The following CDH11 variants were observed in gnomAD, a reference collection of about 807,000 sequenced individuals.
CDH11 encodes cadherin 11, also known as cadherin-11.
CDH11 carries 11 observed loss-of-function variants against 67.8 expected under a neutral mutation model. That is an observed-to-expected ratio of 0.16 (90% CI 0.10 to 0.27). The LOEUF is 0.27. Among genes scored for constraint, CDH11 ranks in the 10% least tolerant of loss-of-function variants. CDH11 has a pLI of 1.00. For missense variants in CDH11, 847 were observed against 1,031.2 expected (o/e 0.82, Z 2.45); for synonymous variants, 419 against 400.0 (o/e 1.05, Z -0.57).
intron 11 of CDH11, among the ~76,000 whole-genome samples, chr16:64,952,162 T>C (rs898068129): frequency 3.3e-5 from 5 of 152,220 alleles, no homozygotes; most frequent in African/African-American, 1.2e-4. Flanking sequence ...TCATAACAGT[T>C]GTACTTCTCA....
At chr16:64,968,611 T>C (rs996051208) in intron 11 of CDH11, 2 of 961,356 alleles carry the variant, frequency 2.1e-6, no homozygotes, top group Admixed American at 6.2e-5. Flanking sequence ...AAAAAGCTTG[T>C]GTGTATTAAG....
intron 11 of CDH11, among the ~76,000 whole-genome samples, chr16:64,969,693 T>C (rs182803380): frequency 1.3e-5 from 2 of 152,184 alleles, no homozygotes; most frequent in African/African-American, 2.4e-5. Context: ...AACACAGGGC[T>C]TTTCATAAAT....
At chr16:65,054,256 G>A (rs2074107518) in intron 1 of CDH11, among the ~76,000 whole-genome samples, 1 of 152,128 alleles carries the variant, frequency 6.6e-6, no homozygotes, top group African/African-American at 2.4e-5. Context: ...AAGCTATTGG[G>A]GGAAGGTATG....
intron 2 of CDH11, among the ~76,000 whole-genome samples, chr16:65,034,618 A>T (rs2073715309): frequency 6.6e-6 from 1 of 152,188 alleles, no homozygotes; most frequent in South Asian, 2.1e-4. Context: ...ATTAAATCAG[A>T]TAATTCTTGT....
At chr16:65,091,929 A>G (rs2074799388) in intron 1 of CDH11, among the ~76,000 whole-genome samples, 1 of 152,138 alleles carries the variant, frequency 6.6e-6, no homozygotes, top group Non-Finnish European at 1.5e-5. Context: ...TTATTTATCA[A>G]GCTCCCTCCT....
intron 1 of CDH11, among the ~76,000 whole-genome samples, chr16:65,072,709 T>C (rs1041169736): frequency 2.6e-5 from 4 of 152,230 alleles, no homozygotes; most frequent in Non-Finnish European, 5.9e-5. Context: ...GCTTTAGAAC[T>C]TTAAAAACAA....
chr16:65,093,187 C>T (rs2074823484), intron 1 of CDH11, among the ~76,000 whole-genome samples: 1 of 149,224 alleles, frequency 6.7e-6, no homozygotes, highest in Admixed American at 6.7e-5. Flanking sequence ...ACCTGCCTGC[C>T]TTGGCCTCCC....
Position 64,945,521 on chromosome 16 carries a change from A to G in CDH11, c.*2082T>C. 6 of 1,032,974 alleles carry G rather than the reference A, an allele frequency of 5.8e-6. No individual in the cohort carries two copies. Among genetic ancestry groups the G allele is most frequent in the Non-Finnish European group, 7.0e-6 (6 of 858,454 alleles). The allele number at this position is 1,032,974 out of a possible 1,614,324, so 64.0% of individuals were successfully genotyped here. The stretch of plus-strand genomic sequence containing the variant: ...CATATTCCTTTTGAGTTATTTCTTC[A>G]TTGCAAATTCAATTGGAGATCTGTG... On this transcript the variant is annotated 3_prime_UTR_variant, in exon 13 of 13. Coordinates refer to ENST00000268603, the MANE Select transcript of CDH11 (RefSeq NM_001797.4).
chr16:65,114,411 G>A (rs1054244840), intron 1 of CDH11, among the ~76,000 whole-genome samples: 1 of 152,028 alleles, frequency 6.6e-6, no homozygotes, highest in Non-Finnish European at 1.5e-5. Context: ...AGCAGGTTTG[G>A]GAAGCCAGCT....
chr16:65,095,913 T>G (rs10852420), intron 1 of CDH11, among the ~76,000 whole-genome samples: 138,496 of 152,242 alleles, frequency 0.91, 63,071 homozygotes, highest in East Asian at 1. Flanking sequence ...CTTCCACTAT[T>G]TGAGAAGGCC....
intron 2 of CDH11, among the ~76,000 whole-genome samples, chr16:65,020,828 T>A (rs1417533093): frequency 1.3e-5 from 2 of 152,138 alleles, no homozygotes; most frequent in Admixed American, 6.5e-5. Context: ...AGCTGTAAAA[T>A]TTTTCATTTG....
Position 64,943,931 on chromosome 16 carries a change from A to T in CDH11, c.*3672T>A. ...CATACATAAAGCCAAAAAGCAAAATAAGTTTAAAGAGTTGTCATCGATACA... is the reference window on the plus strand; with the variant it reads ...CATACATAAAGCCAAAAAGCAAAATTAGTTTAAAGAGTTGTCATCGATACA... On this transcript the variant is annotated 3_prime_UTR_variant, in exon 13 of 13. Coordinates refer to ENST00000268603, the MANE Select transcript of CDH11 (RefSeq NM_001797.4). 2 of 230,510 alleles carry T rather than the reference A, an allele frequency of 8.7e-6. No homozygotes were observed. The highest frequency in any genetic ancestry group is 1.7e-5 in the Non-Finnish European group (2 of 116,316). The allele number at this position is 230,510 out of a possible 1,614,324, so 14.3% of individuals were successfully genotyped here.
At chr16:65,004,508 G>T in intron 3 of CDH11, 134 bp downstream of exon 3, 1 of 737,648 alleles carries the variant, frequency 1.4e-6, no homozygotes, top group Non-Finnish European at 2.2e-6. Context: ...CAATATTTGG[G>T]TGGTTTTACT....
intron 2 of CDH11, among the ~76,000 whole-genome samples, chr16:65,010,561 G>A (rs1022425425): frequency 2.6e-5 from 4 of 152,044 alleles, no homozygotes; most frequent in African/African-American, 9.7e-5. Context: ...ACACAGCAGA[G>A]ACTGCAAAAA....
chr16:64,982,414 A>T, intron 7 of CDH11, 113 bp from the exon 8 acceptor site: 5 of 818,316 alleles, frequency 6.1e-6, no homozygotes, highest in Non-Finnish European at 9.7e-6. Context: ...AGAAAATCAG[A>T]GTCTACTCAA....
chr16:65,021,350 G>A (rs547069590), intron 2 of CDH11, among the ~76,000 whole-genome samples: 14 of 152,268 alleles, frequency 9.2e-5, no homozygotes, highest in African/African-American at 3.1e-4. Flanking sequence ...GTTTTTCCCA[G>A]AATGGGGTCT....
Position 64,982,084 on chromosome 16 carries a change from T to C in CDH11, c.1217A>G (p.His406Arg), listed in dbSNP as rs879011621. Residue 406 changes from histidine (H) to arginine (R), a missense_variant, in exon 8 of 13, where the codon CAT (histidine) becomes CGT (arginine). Transcript: ENST00000268603. ...GTTGGCAGCATCAGGGTCTTTGGCA[T>C]GCACTCTCCCAACCACGGTGCCAGC... ...AAAGTVVGRV[H>R]AKDPDAANSP... 2 of 1,614,020 alleles carry C rather than the reference T, an allele frequency of 1.2e-6. No individual in the cohort carries two copies. The highest frequency in any genetic ancestry group is 2.2e-5 in the East Asian group (1 of 44,868).
chr16:65,091,150 C>A (rs2142830148), intron 1 of CDH11, among the ~76,000 whole-genome samples: 1 of 152,284 alleles, frequency 6.6e-6, no homozygotes, highest in East Asian at 1.9e-4. Flanking sequence ...GTCCATGTAG[C>A]TACAACTCCT....
intron 4 of CDH11, among the ~76,000 whole-genome samples, chr16:64,995,811 C>A (rs2072748852): frequency 6.6e-6 from 1 of 152,054 alleles, no homozygotes. Flanking sequence ...AAAGAGACAA[C>A]CTACAGAATG....
Sources: gnomAD v4.1 joint callset for allele counts (sites outside exome capture counted in the v4.1 genomes callset) on GRCh38, gnomAD v4.1.1 for gene constraint, MANE v1.5 for transcripts, NCBI Gene and HGNC (gene_info 2026-07-23, HGNC 2026-07-21) for gene names.